SIL1: variants seen among roughly 807,000 people sequenced by gnomAD.
The protein encoded by SIL1 is nucleotide exchange factor SIL1.
A neutral mutation model predicts 49.1 loss-of-function variants in SIL1; 40 were observed. That is an observed-to-expected ratio of 0.81 (90% confidence interval 0.63 to 1.06). The LOEUF (loss-of-function observed/expected upper bound fraction) is 1.06, where lower values mean the gene tolerates loss of function less well. Ranked by LOEUF, SIL1 falls within the 50% of genes least tolerant of loss-of-function variation. SIL1 has a pLI of 0.00. For synonymous variants in SIL1, 253 were observed against 250.8 expected (o/e 1.01, Z -0.08); for missense variants, 500 against 572.6 (o/e 0.87, Z 1.29).
intron 7 of SIL1, among the ~76,000 whole-genome samples, chr5:138,997,880 G>A (rs1015586168): frequency 4.6e-5 from 7 of 152,130 alleles, no homozygotes; most frequent in Non-Finnish European, 7.4e-5. Context: ...ATATTTTGAG[G>A]TGAGGTAGTG....
chr5:139,180,887 C>T (rs1389764784), intron 1 of SIL1, among the ~76,000 whole-genome samples: 2 of 152,106 alleles, frequency 1.3e-5, no homozygotes, highest in African/African-American at 4.8e-5. Flanking sequence ...CTCCATAGCT[C>T]CTCTAGCTAG....
At chr5:139,071,666 ATTT>A (rs67604334) in intron 3 of SIL1, among the ~76,000 whole-genome samples, 101 of 127,342 alleles carry the variant, frequency 7.9e-4, no homozygotes, top group Middle Eastern at 4.1e-3. Context: ...TATTATTAGC[ATTT>A]TTTTTTTTTT....
intron 1 of SIL1, among the ~76,000 whole-genome samples, chr5:139,162,319 T>TA (rs990546600): frequency 7.9e-5 from 12 of 152,188 alleles, no homozygotes; most frequent in Non-Finnish European, 1.5e-5. Flanking sequence ...AAAATGTCAG[T>TA]AAAAAATCAG....
At chr5:139,003,896 C>T (rs1378301239) in intron 7 of SIL1, among the ~76,000 whole-genome samples, 2 of 152,180 alleles carry the variant, frequency 1.3e-5, no homozygotes, top group African/African-American at 4.8e-5. Flanking sequence ...ACAGGCACAC[C>T]TGAAATAACT....
chr5:139,127,749 T>C lies in SIL1; in HGVS notation c.95A>G (p.His32Arg), dbSNP rs1750781693. The C allele has an allele frequency of 6.2e-7, 1 of 1,610,102 alleles. No homozygotes were observed. Among genetic ancestry groups the C allele is most frequent in the Non-Finnish European group, 8.5e-7 (1 of 1,179,108 alleles). Residue 32 changes from histidine to arginine, a missense_variant, in exon 2 of 10, where the codon CAT (histidine) becomes CGT (arginine). Coordinates refer to ENST00000394817, the MANE Select transcript of SIL1 (RefSeq NM_022464.5). ...AATAAAGATATTTACCAGGTTCTGA[T>C]GACTGAGGCAGAAGGTGAAGCAGGC... ...MAACFTFCLS[H>R]QNLKEFALTN... is the part of the protein sequence containing the mutation.
chr5:139,153,130 T>C (rs1751340789), intron 1 of SIL1, among the ~76,000 whole-genome samples: 1 of 152,188 alleles, frequency 6.6e-6, no homozygotes, highest in African/African-American at 2.4e-5. Flanking sequence ...GAGTTGGTCT[T>C]ATACAACATT....
intron 7 of SIL1, among the ~76,000 whole-genome samples, chr5:138,981,297 G>C (rs975032475): frequency 2.0e-5 from 3 of 151,752 alleles, no homozygotes; most frequent in African/African-American, 4.8e-5. Context: ...TCTGGGTCTC[G>C]GACCACAAGC....
chr5:139,137,319 G>A (rs1750993819), intron 1 of SIL1: 1 of 702,346 alleles, frequency 1.4e-6, no homozygotes, highest in Non-Finnish European at 2.6e-6. Context: ...ATTCAGAGAG[G>A]TTAAGTAACG....
chr5:139,182,950 A>T (rs1752017136), intron 1 of SIL1, among the ~76,000 whole-genome samples: 2 of 152,192 alleles, frequency 1.3e-5, no homozygotes, highest in South Asian at 4.1e-4. Flanking sequence ...CAGAGGAGAG[A>T]TGCTCTTACA....
chr5:139,136,352 T>C lies in SIL1; in HGVS notation c.-10-8499A>G, dbSNP rs114239947. Among the ~76,000 whole-genome samples the C allele has an allele frequency of 8.9e-3, 1,356 of 152,162 alleles. 21 individuals are homozygous for C. The highest frequency in any genetic ancestry group is 0.031 in the African/African-American group (1,302 of 41,508). ...CTCATACCTGTTGAAGACGAAGAGG[T>C]AGACAGGGCTAAGGCAGGGCAAGAG... On this transcript the variant is annotated intron_variant, in intron 1 of 9. Coordinates refer to ENST00000394817, the MANE Select transcript of SIL1 (RefSeq NM_022464.5).
intron 4 of SIL1, 108 bp downstream of exon 4, chr5:139,050,830 A>T: frequency 1.1e-6 from 1 of 906,940 alleles, no homozygotes; most frequent in Non-Finnish European, 1.8e-6. Flanking sequence ...CTATGCTATT[A>T]AATTTCAAAT....
intron 3 of SIL1, among the ~76,000 whole-genome samples, chr5:139,101,204 A>G (rs926465652): frequency 1.2e-4 from 19 of 152,142 alleles, no homozygotes; most frequent in African/African-American, 4.3e-4. Flanking sequence ...GTAATTCTCC[A>G]TCCTCTGTTC....
Position 139,021,311 on chromosome 5 carries a change from T to G in SIL1, c.646-19A>C, listed in dbSNP as rs1768522238. ...TGTCCATCTGCAACAGAGCCACTGC[T>G]TAGTACAGCATAGCCATCAGGGACA... On this transcript the variant is annotated intron_variant, in intron 6 of 9. Coordinates refer to ENST00000394817, the MANE Select transcript of SIL1 (RefSeq NM_022464.5). The G allele has an allele frequency of 6.2e-7, 1 of 1,614,012 alleles. No homozygotes were observed. Among genetic ancestry groups the G allele is most frequent in the Non-Finnish European group, 8.5e-7 (1 of 1,179,938 alleles).
At chr5:139,071,666 ATT>A (rs67604334) in intron 3 of SIL1, among the ~76,000 whole-genome samples, 31,074 of 126,498 alleles carry the variant, frequency 0.25, 2,629 homozygotes, top group Middle Eastern at 0.33. Flanking sequence ...TATTATTAGC[ATT>A]TTTTTTTTTT....
At chr5:139,185,965 C>A (rs1425853092) in intron 1 of SIL1, among the ~76,000 whole-genome samples, 1 of 152,204 alleles carries the variant, frequency 6.6e-6, no homozygotes, top group Non-Finnish European at 1.5e-5. Context: ...TGATTCTGTA[C>A]AATGTATTTC....
intron 1 of SIL1, among the ~76,000 whole-genome samples, chr5:139,133,009 A>C (rs1750896221): frequency 6.6e-6 from 1 of 151,668 alleles, no homozygotes; most frequent in Admixed American, 6.6e-5. Flanking sequence ...TTCCCAAACC[A>C]CTTGCCACCC....
intron 7 of SIL1, among the ~76,000 whole-genome samples, chr5:138,959,151 C>T (rs763982492): frequency 1.2e-4 from 18 of 152,166 alleles, no homozygotes; most frequent in Non-Finnish European, 2.4e-4. Flanking sequence ...TGGAATCAGC[C>T]ATTTCTCCAA....
chr5:139,154,104 T>C (rs1751360218), intron 1 of SIL1, among the ~76,000 whole-genome samples: 1 of 152,242 alleles, frequency 6.6e-6, no homozygotes, highest in African/African-American at 2.4e-5. Context: ...CAAACTAGTA[T>C]TTCTCCATCT....
At chr5:138,988,234 G>T (rs570054738) in intron 7 of SIL1, among the ~76,000 whole-genome samples, 1 of 152,164 alleles carries the variant, frequency 6.6e-6, no homozygotes, top group African/African-American at 2.4e-5. Flanking sequence ...GCACAGACCC[G>T]TACACCTGGT....
Sources: allele counts gnomAD v4.1 joint callset (sites outside exome capture counted in the v4.1 genomes callset), GRCh38; gene constraint gnomAD v4.1.1; transcripts MANE v1.5; gene names NCBI Gene and HGNC (gene_info 2026-07-23, HGNC 2026-07-21).